NEO1: variants seen among roughly 807,000 people sequenced by gnomAD.
The protein encoded by NEO1 is neogenin.
NEO1 carries 63 observed loss-of-function variants against 159.7 expected under a neutral mutation model. The observed-to-expected ratio is 0.39, with a 90% CI of 0.32 to 0.49. The LOEUF is 0.49. Ranked by LOEUF, NEO1 falls within the 20% of genes least tolerant of loss-of-function variation. The pLI is 0.85. For missense variants in NEO1, 1,615 were observed against 1,831.0 expected (o/e 0.88, Z 2.15); for synonymous variants, 633 against 662.0 (o/e 0.96, Z 0.67).
At chr15:73,160,140 T>A (rs1460679521) in intron 5 of NEO1, among the ~76,000 whole-genome samples, 2 of 152,230 alleles carry the variant, frequency 1.3e-5, no homozygotes, top group Non-Finnish European at 1.5e-5. Flanking sequence ...TGATAGTTTT[T>A]AATTATGTAT....
rs1236850231 is a variant in NEO1, at chr15:73,052,740, T to A, written c.65T>A (p.Leu22Gln). Reference sequence around the variant, plus strand: ...CCCTCCTTCTGGCTCTACTGCCTGCTGCTGCTCGGGCGCCGGGCGCCGGGC... The same window carrying A: ...CCCTCCTTCTGGCTCTACTGCCTGCAGCTGCTCGGGCGCCGGGCGCCGGGC... ...STPSFWLYCL[L>Q]LLGRRAPGAA... The change falls in exon 1 of 29, where the codon CTG (leucine) becomes CAG (glutamine). Residue 22 changes from leucine (L) to glutamine (Q), a missense_variant. Transcript: ENST00000261908. The A allele has an allele frequency of 7.7e-7, 1 of 1,306,440 alleles. No individual in the cohort carries two copies. The highest frequency in any genetic ancestry group is 1.6e-5 in the African/African-American group (1 of 64,314). The allele number at this position is 1,306,440 out of a possible 1,614,324, so 80.9% of individuals were successfully genotyped here.
At chr15:73,234,213 A>G (rs1022614699) in intron 7 of NEO1, among the ~76,000 whole-genome samples, 2 of 152,222 alleles carry the variant, frequency 1.3e-5, no homozygotes, top group African/African-American at 4.8e-5. Context: ...TCATTTCCCA[A>G]TAAGGGTTTT....
At chr15:73,207,515 G>A (rs2037308629) in intron 7 of NEO1, among the ~76,000 whole-genome samples, 1 of 152,130 alleles carries the variant, frequency 6.6e-6, no homozygotes, top group Admixed American at 6.5e-5. Flanking sequence ...TGCCACCTCA[G>A]CAGCAGTGCT....
rs188707074 is a variant in NEO1, at chr15:73,159,571, A to G, written c.1016-16832A>G. Among the ~76,000 whole-genome samples the G allele has an allele frequency of 2.2e-3, 334 of 152,006 alleles. 2 individuals carry two copies. Among genetic ancestry groups the G allele is most frequent in the African/African-American group, 7.5e-3 (312 of 41,484 alleles). The stretch of plus-strand genomic sequence containing the variant: ...ACCCACTAATGGTATATGTAGCTCA[A>G]TTTCCTCTTGACTTCTCTTAAGTAC... On this transcript the variant is annotated intron_variant, in intron 5 of 28. Transcript: ENST00000261908.
At chr15:73,194,909 G>A (rs962469072) in intron 7 of NEO1, among the ~76,000 whole-genome samples, 4 of 152,168 alleles carry the variant, frequency 2.6e-5, no homozygotes, top group African/African-American at 9.7e-5. Context: ...AGCTTAAGGA[G>A]GTTTGTCTCC....
Position 73,169,643 on chromosome 15 carries a change from CTTTTTTTTTTTT to C in NEO1, c.1016-6750_1016-6739del, listed in dbSNP as rs35991255. On this transcript the variant is annotated intron_variant, in intron 5 of 28. Transcript: ENST00000261908. ...TACCGAAATTATCTGCTCCCCCCTC[CTTTTTTTTTTTT>C]TTTTTTTTTGGAAGAGGCTTTTGCT... is the stretch of plus-strand genomic sequence containing the variant. Among the ~76,000 whole-genome samples the C allele has an allele frequency of 8.8e-4, 93 of 105,244 alleles. 1 individual carries two copies. The South Asian group carries it at 0.027, about 30-fold the overall frequency. The allele number at this position is 105,244 out of a possible 152,430, so 69.0% of individuals were successfully genotyped here.
At chr15:73,278,687 A>T (rs2041532433) in intron 22 of NEO1, among the ~76,000 whole-genome samples, 2 of 152,230 alleles carry the variant, frequency 1.3e-5, no homozygotes, top group South Asian at 4.1e-4. Context: ...GAGCTTCACC[A>T]TATATAAGCT....
intron 5 of NEO1, among the ~76,000 whole-genome samples, chr15:73,174,525 AG>A (rs1343142486): frequency 1.3e-4 from 20 of 152,292 alleles, no homozygotes; most frequent in African/African-American, 4.6e-4. Context: ...AACTTACAGG[AG>A]GGTGATCATT....
At chr15:73,146,776 A>G (rs1472494776) in intron 5 of NEO1, among the ~76,000 whole-genome samples, 1 of 152,244 alleles carries the variant, frequency 6.6e-6, no homozygotes, top group Non-Finnish European at 1.5e-5. Flanking sequence ...TGTGGAGTAC[A>G]GATGCATGAT....
chr15:73,188,827 G>A (rs755775328), intron 7 of NEO1, among the ~76,000 whole-genome samples: 1 of 152,184 alleles, frequency 6.6e-6, no homozygotes, highest in Non-Finnish European at 1.5e-5. Context: ...GCTGGGTGCA[G>A]TGGCTCACCC....
chr15:73,290,390 G>A lies in NEO1; in HGVS notation c.3742+1152G>A, dbSNP rs1227282072. Among the ~76,000 whole-genome samples, 7 of 151,658 alleles carry A rather than the reference G, an allele frequency of 4.6e-5. No individual in the cohort carries two copies. In the East Asian group the frequency reaches 5.8e-4, roughly 13 times the overall value. ...CAAGCAGCTGGGATTACAGGTGCTC[G>A]CCACCACACCTGGCTAGTTTTTTGT... On this transcript the variant is annotated intron_variant, in intron 25 of 28. Coordinates refer to ENST00000261908, the MANE Select transcript of NEO1 (RefSeq NM_002499.4).
chr15:73,266,089 C>T (rs1471295257), intron 15 of NEO1, among the ~76,000 whole-genome samples: 1 of 152,152 alleles, frequency 6.6e-6, no homozygotes, highest in African/African-American at 2.4e-5. Context: ...CAAACACAGC[C>T]CACCTCCTCT....
chr15:73,066,846 G>A (rs573909788), intron 1 of NEO1, among the ~76,000 whole-genome samples: 2 of 152,254 alleles, frequency 1.3e-5, no homozygotes, highest in African/African-American at 4.8e-5. Flanking sequence ...AGAATCTGCC[G>A]ATAGCTCTAG....
In NEO1 at chr15:73,270,381, C is replaced by T. The variant is rs1446302555; in HGVS notation, c.2784C>T (p.Phe928=). The T allele has an allele frequency of 6.2e-7, 1 of 1,614,158 alleles. No homozygotes were observed. ...TAAAGCCGAATACACTCTATGAATT[C>T]TCTGTGATGGTGACCAAAGGTCGAA... ...TGLKPNTLYE[F]SVMVTKGRRS... Residue 928 remains phenylalanine (F), a synonymous_variant, in exon 18 of 29, where the codon TTC becomes TTT. Transcript: ENST00000261908.
intron 6 of NEO1, among the ~76,000 whole-genome samples, chr15:73,177,017 T>C (rs2035316706): frequency 6.6e-6 from 1 of 152,172 alleles, no homozygotes; most frequent in African/African-American, 2.4e-5. Flanking sequence ...AACTTAACCT[T>C]AAATCGTATA....
At chr15:73,177,984 T>G (rs1284844468) in intron 6 of NEO1, among the ~76,000 whole-genome samples, 1 of 152,228 alleles carries the variant, frequency 6.6e-6, no homozygotes, top group Non-Finnish European at 1.5e-5. Context: ...AATTCACAAA[T>G]TGGACTTTAA....
chr15:73,284,087 A>G (rs1013081799), intron 23 of NEO1, among the ~76,000 whole-genome samples: 9 of 152,168 alleles, frequency 5.9e-5, no homozygotes, highest in African/African-American at 2.2e-4. Flanking sequence ...TGCTAATACC[A>G]TACAGTCCTA....
At chr15:73,102,565 G>C (rs1169481711) in intron 1 of NEO1, among the ~76,000 whole-genome samples, 1 of 152,106 alleles carries the variant, frequency 6.6e-6, no homozygotes, top group African/African-American at 2.4e-5. Flanking sequence ...ATGAATGGGG[G>C]TCTCTCTATC....
intron 15 of NEO1, among the ~76,000 whole-genome samples, chr15:73,264,980 A>G (rs930982141): frequency 1.3e-5 from 2 of 152,188 alleles, no homozygotes; most frequent in African/African-American, 4.8e-5. Flanking sequence ...GTAACTAGAG[A>G]GGCTAGTCCA....
Sources: gnomAD v4.1 joint callset for allele counts (sites outside exome capture counted in the v4.1 genomes callset) on GRCh38, gnomAD v4.1.1 for gene constraint, MANE v1.5 for transcripts, NCBI Gene and HGNC (gene_info 2026-07-23, HGNC 2026-07-21) for gene names.